Variants in RAPGEF4 observed in about 807,000 individuals in gnomAD.
The protein encoded by RAPGEF4 is Rap guanine nucleotide exchange factor 4.
RAPGEF4 carries 66 observed loss-of-function variants against 147.9 expected under a neutral mutation model. The observed-to-expected ratio is 0.45, with a 90% CI of 0.37 to 0.55. The LOEUF (loss-of-function observed/expected upper bound fraction) is 0.55. Among genes scored for constraint, RAPGEF4 ranks in the 20% least tolerant of loss-of-function variants. The pLI, the probability that RAPGEF4 is intolerant of heterozygous loss-of-function variation, is 0.00. For synonymous variants in RAPGEF4, 419 were observed against 442.7 expected (o/e 0.95, Z 0.67); for missense variants, 1,071 against 1,257.3 (o/e 0.85, Z 2.24).
chr2:172,996,703 A>T, intron 16 of RAPGEF4, 149 bp downstream of exon 16: 1 of 576,910 alleles, frequency 1.7e-6, no homozygotes, highest in Non-Finnish European at 3.0e-6. Context: ...GTGTGACCTG[A>T]CTGGGAACAG....
At chr2:172,928,450 G>T (rs995288505) in intron 6 of RAPGEF4, 2 of 274,310 alleles carry the variant, frequency 7.3e-6, no homozygotes, top group Non-Finnish European at 1.4e-5. Flanking sequence ...TCTGTTGTCA[G>T]TTATGCCGTG....
intron 1 of RAPGEF4, among the ~76,000 whole-genome samples, chr2:172,747,455 CTTTTAA>C (rs1187200489): frequency 2.0e-5 from 3 of 152,174 alleles, no homozygotes; most frequent in African/African-American, 7.2e-5. Context: ...ACGTATTCAT[CTTTTAA>C]TTTTAATTTT....
chr2:172,987,389 C>T (rs1692374936), intron 12 of RAPGEF4, among the ~76,000 whole-genome samples: 1 of 152,176 alleles, frequency 6.6e-6, no homozygotes, highest in African/African-American at 2.4e-5. Context: ...TTTCCTACCC[C>T]AAGGTAACTC....
At chr2:172,944,460 C>T (rs1687481592) in intron 6 of RAPGEF4, among the ~76,000 whole-genome samples, 1 of 152,128 alleles carries the variant, frequency 6.6e-6, no homozygotes, top group Admixed American at 6.5e-5. Context: ...GGCAAGTGCC[C>T]AGGGTGAGCC....
intron 4 of RAPGEF4, among the ~76,000 whole-genome samples, chr2:172,829,141 T>C (rs1690011591): frequency 6.6e-6 from 1 of 152,198 alleles, no homozygotes; most frequent in Non-Finnish European, 1.5e-5. Context: ...GGCCGTATGT[T>C]GCTTCAAAAC....
chr2:172,936,930 T>G (rs1166713634), intron 6 of RAPGEF4, among the ~76,000 whole-genome samples: 4 of 146,078 alleles, frequency 2.7e-5, no homozygotes, highest in African/African-American at 5.1e-5. Context: ...CTGGATGTGG[T>G]AGCTCACACT....
chr2:172,828,336 C>A (rs1032415083), intron 4 of RAPGEF4, among the ~76,000 whole-genome samples: 1 of 152,126 alleles, frequency 6.6e-6, no homozygotes, highest in Non-Finnish European at 1.5e-5. Flanking sequence ...GCAAAGTATA[C>A]AAGTCTTTCT....
At chr2:172,967,669 G>A (rs1475775803) in intron 10 of RAPGEF4, among the ~76,000 whole-genome samples, 2 of 152,200 alleles carry the variant, frequency 1.3e-5, no homozygotes. Context: ...AAGCTGTAGA[G>A]GTTGTCAGTA....
intron 16 of RAPGEF4, among the ~76,000 whole-genome samples, chr2:172,997,486 C>T (rs1693485903): frequency 6.6e-6 from 1 of 152,186 alleles, no homozygotes; most frequent in Non-Finnish European, 1.5e-5. Flanking sequence ...CAACACATAA[C>T]ATCTGCTTAC....
chr2:172,757,422 G>C (rs528780026), intron 1 of RAPGEF4, among the ~76,000 whole-genome samples: 1 of 152,232 alleles, frequency 6.6e-6, no homozygotes, highest in South Asian at 2.1e-4. Context: ...AATACCAGAT[G>C]CCCCCAGTGC....
chr2:172,919,155 T>A (rs1006851695), intron 5 of RAPGEF4, among the ~76,000 whole-genome samples: 1 of 152,146 alleles, frequency 6.6e-6, no homozygotes, highest in African/African-American at 2.4e-5. Context: ...ATCCCAGCAA[T>A]GCTGTCTTCT....
chr2:172,964,104 G>T (rs185074671), intron 8 of RAPGEF4, among the ~76,000 whole-genome samples: 6 of 152,170 alleles, frequency 3.9e-5, no homozygotes. Flanking sequence ...TGATTTTTAC[G>T]ATTAATCAAT....
intron 4 of RAPGEF4, among the ~76,000 whole-genome samples, chr2:172,908,392 A>G (rs1386369193): frequency 1.3e-5 from 2 of 152,224 alleles, no homozygotes; most frequent in African/African-American, 4.8e-5. Context: ...TCAGCACTGC[A>G]CTGTGATGCA....
chr2:173,034,363 A>T (rs973966045), intron 27 of RAPGEF4, among the ~76,000 whole-genome samples: 4 of 152,144 alleles, frequency 2.6e-5, no homozygotes, highest in Non-Finnish European at 5.9e-5. Context: ...CAGAGGGCAA[A>T]TCGGGACAGG....
chr2:172,751,144 C>A (rs1695248891), intron 1 of RAPGEF4, among the ~76,000 whole-genome samples: 1 of 152,202 alleles, frequency 6.6e-6, no homozygotes, highest in South Asian at 2.1e-4. Context: ...TTCCATCTTC[C>A]CCCACCCAAA....
intron 1 of RAPGEF4, among the ~76,000 whole-genome samples, chr2:172,794,347 CAAAAAA>C (rs59850502): frequency 2.2e-4 from 22 of 101,918 alleles, no homozygotes; most frequent in African/African-American, 4.2e-4. Context: ...AACTCCATCT[CAAAAAA>C]AAAAAAAAAA....
At chr2:172,850,461 T>A (rs1692684109) in intron 4 of RAPGEF4, among the ~76,000 whole-genome samples, 1 of 151,322 alleles carries the variant, frequency 6.6e-6, no homozygotes, top group Non-Finnish European at 1.5e-5. Context: ...ACTAAAAATA[T>A]TAAAAAATTA....
rs79602073 is a variant in RAPGEF4, at chr2:172,970,161, A to G, written c.1004+2717A>G. On this transcript the variant is annotated intron_variant, in intron 10 of 30. Coordinates refer to ENST00000397081, the MANE Select transcript of RAPGEF4 (RefSeq NM_007023.4). The stretch of plus-strand genomic sequence containing the variant: ...TGGGAGACAGATATTCCAACTCTAC[A>G]TGTACATACACACACACACCCTTTT... Among the ~76,000 whole-genome samples the G allele has an allele frequency of 2.6e-3, 388 of 148,466 alleles. 10 individuals are homozygous for G. In the East Asian group the frequency reaches 0.063, roughly 24 times the overall value.
chr2:173,034,638 C>A (rs1342577914), intron 27 of RAPGEF4, among the ~76,000 whole-genome samples: 2 of 152,006 alleles, frequency 1.3e-5, no homozygotes, highest in East Asian at 3.9e-4. Flanking sequence ...CTTTGGGAGG[C>A]CAGGAAAGGT....
Sources: allele counts gnomAD v4.1 joint callset (sites outside exome capture counted in the v4.1 genomes callset), GRCh38; gene constraint gnomAD v4.1.1; transcripts MANE v1.5; gene names NCBI Gene and HGNC (gene_info 2026-07-23, HGNC 2026-07-21).